Variants in MAIP1 observed in about 807,000 individuals in gnomAD.
MAIP1 encodes matrix AAA peptidase interacting protein 1, also known as m-AAA protease-interacting protein 1, mitochondrial.
Under a neutral mutation model 31.2 loss-of-function variants are expected in MAIP1, and 28 were observed. The observed-to-expected ratio is 0.90, with a 90% CI of 0.67 to 1.23. The LOEUF (loss-of-function observed/expected upper bound fraction) is 1.23. Ranked by LOEUF, MAIP1 falls within the 50% of genes most tolerant of loss-of-function variation. MAIP1 has a pLI of 0.00. For synonymous variants in MAIP1, 142 were observed against 142.3 expected (o/e 1.00, Z 0.02); for missense variants, 339 against 356.0 (o/e 0.95, Z 0.38).
At chr2:199,956,283 T>G in intron 1 of MAIP1, 35 bp downstream of exon 1, 1 of 1,510,958 alleles carries the variant, frequency 6.6e-7, no homozygotes, top group Non-Finnish European at 9.1e-7. Flanking sequence ...TATCCGTCTC[T>G]AATGAGTTCA....
In MAIP1 at chr2:199,955,980, T is replaced by C. The variant is rs2077599697; in HGVS notation, c.182T>C (p.Leu61Ser). 1 of 1,612,542 alleles carries C rather than the reference T, an allele frequency of 6.2e-7. No individual in the cohort carries two copies. Among genetic ancestry groups the C allele is most frequent in the African/African-American group, 1.3e-5 (1 of 74,924 alleles). The change falls in exon 1 of 5, where the codon TTG becomes TCG. Residue 61 changes from leucine (L) to serine (S), a missense_variant. Physicochemically the swap from Leu to Ser is moderately radical, Grantham distance 145. Coordinates refer to ENST00000392290, the MANE Select transcript of MAIP1 (RefSeq NM_001394955.1). Reference protein sequence around the residue: ...AALFPRSARALAASALPAQGS... With the variant: ...AALFPRSARASAASALPAQGS... ...TTATTTCCACGAAGCGCTAGGGCCT[T>C]GGCAGCCTCGGCGCTACCTGCCCAG...
intron 3 of MAIP1, among the ~76,000 whole-genome samples, chr2:199,961,442 T>A (rs1330128255): frequency 6.6e-6 from 1 of 151,896 alleles, no homozygotes; most frequent in Non-Finnish European, 1.5e-5. Flanking sequence ...CCAGCCCGGG[T>A]GACAGAGTGA....
At position 199,961,909 on chromosome 2, in the gene MAIP1, C is replaced by A; in HGVS notation, c.778C>A (p.Leu260Ile). 6.2e-7 allele frequency: 1 copy of A among 1,612,860 alleles called. No homozygotes were observed. Among genetic ancestry groups the A allele is most frequent in the Non-Finnish European group, 8.5e-7 (1 of 1,179,536 alleles). The change falls in exon 4 of 5, where the codon CTT becomes ATT. Residue 260 changes from leucine (L) to isoleucine (I), a missense_variant. By Grantham distance (5) the Leu-to-Ile change is conservative. Transcript: ENST00000392290. ...GAATCAGAATGTGGAAACTAAACAA[C>A]TTCTTAGTGCAAGCTATGAGTAAGT... is the stretch of plus-strand genomic sequence containing the variant. The part of the protein sequence containing the change: ...LGNQNVETKQ[L>I]LSASYEFQRE...
At chr2:199,960,186 A>G (rs1323189843) in intron 3 of MAIP1, among the ~76,000 whole-genome samples, 3 of 152,216 alleles carry the variant, frequency 2.0e-5, no homozygotes, top group African/African-American at 7.2e-5. Context: ...TTTATGTTTC[A>G]GATTTCCTAA....
rs1429619923 is a variant in MAIP1, at chr2:199,955,695, T to G, written c.-104T>G. 1.6e-6 allele frequency: 2 copies of G among 1,216,366 alleles called. No individual in the cohort carries two copies. Among genetic ancestry groups the G allele is most frequent in the Non-Finnish European group, 2.3e-6 (2 of 882,970 alleles). The allele number at this position is 1,216,366 out of a possible 1,614,324, so 75.3% of individuals were successfully genotyped here. On this transcript the variant is annotated 5_prime_UTR_variant, in exon 1 of 5. Transcript: ENST00000392290. The stretch of plus-strand genomic sequence containing the variant: ...ACTCACCAGAGGCTGCAGCAACAGG[T>G]CCACTTTGCTCTCCAGTCTCTTTCT...
chr2:199,955,597 T>G lies in MAIP1; in HGVS notation c.-202T>G, dbSNP rs1301017422. The G allele has an allele frequency of 7.5e-7, 1 of 1,325,340 alleles. No individual in the cohort carries two copies. Among genetic ancestry groups the G allele is most frequent in the Admixed American group, 2.4e-5 (1 of 41,004 alleles). The allele number at this position is 1,325,340 out of a possible 1,614,324, so 82.1% of individuals were successfully genotyped here. A position where few individuals can be genotyped will look rare whatever the true frequency, so the allele number is the denominator to read the frequency against. On this transcript the variant is annotated 5_prime_UTR_variant, in exon 1 of 5. Coordinates refer to ENST00000392290, the MANE Select transcript of MAIP1 (RefSeq NM_001394955.1). Reference sequence around the variant, plus strand: ...CGAGGCCGGCAGACTCCAGAGTGGCTGGGTCCGAGCGCGGGGCGGGTTGCC... The same window carrying G: ...CGAGGCCGGCAGACTCCAGAGTGGCGGGGTCCGAGCGCGGGGCGGGTTGCC...
At position 199,956,011 on chromosome 2, in the gene MAIP1, C is replaced by G. The variant is rs369909046; in HGVS notation, c.213C>G (p.Ser71=). ...LAASALPAQG[S]RWPVLSSPGL... ...CCTCGGCGCTACCTGCCCAGGGCTC[C>G]CGGTGGCCAGTGCTCAGCAGCCCGG... The change falls in exon 1 of 5, where the codon TCC becomes TCG. Residue 71 remains serine, a synonymous_variant. Coordinates refer to ENST00000392290, the MANE Select transcript of MAIP1 (RefSeq NM_001394955.1). 1 of 1,610,476 alleles carries G rather than the reference C, an allele frequency of 6.2e-7. No individual in the cohort carries two copies. The highest frequency in any genetic ancestry group is 1.3e-5 in the African/African-American group (1 of 74,984).
rs1403015180 is a variant in MAIP1, at chr2:199,959,809, C to T, written c.578C>T (p.Ala193Val). 6.2e-7 allele frequency: 1 copy of T among 1,611,370 alleles called. No individual in the cohort carries two copies. Among genetic ancestry groups the T allele is most frequent in the Admixed American group, 1.7e-5 (1 of 59,982 alleles). ...VTSLPDNHKN[A>V]LAANIDEIVF... is the part of the protein sequence containing the mutation. ...TCACTACCTGACAACCATAAAAATG[C>T]CCTTGCTGCTAACATAGATGAAATT... The change falls in exon 3 of 5, where the codon GCC (alanine) becomes GTC (valine). Residue 193 changes from alanine to valine, a missense_variant. Transcript: ENST00000392290.
intron 4 of MAIP1, among the ~76,000 whole-genome samples, chr2:199,962,602 A>C (rs889189252): frequency 6.6e-6 from 1 of 152,096 alleles, no homozygotes; most frequent in African/African-American, 2.4e-5. Flanking sequence ...TGGGGCAAAA[A>C]CCAGCAAGGC....
Position 199,955,672 on chromosome 2 carries a change from T to C in MAIP1, c.-127T>C, listed in dbSNP as rs928328599. ...GCTGGAGAGCGGGGACGGGGCCGAC[T>C]CACCAGAGGCTGCAGCAACAGGTCC... is the stretch of plus-strand genomic sequence containing the variant. On this transcript the variant is annotated 5_prime_UTR_variant, in exon 1 of 5. Transcript: ENST00000392290. The C allele has an allele frequency of 4.4e-6, 5 of 1,141,348 alleles. No individual in the cohort carries two copies. Among genetic ancestry groups the C allele is most frequent in the Non-Finnish European group, 6.1e-6 (5 of 823,022 alleles). The allele number at this position is 1,141,348 out of a possible 1,614,324, so 70.7% of individuals were successfully genotyped here.
upstream of MAIP1, chr2:199,955,495 A>C: frequency 6.2e-7 from 1 of 1,611,232 alleles, no homozygotes; most frequent in Admixed American, 1.7e-5. Flanking sequence ...GCCCTCTTCC[A>C]GGTCTTCGGA....
At chr2:199,960,655 A>T (rs1167570698) in intron 3 of MAIP1, among the ~76,000 whole-genome samples, 1 of 152,258 alleles carries the variant, frequency 6.6e-6, no homozygotes, top group African/African-American at 2.4e-5. Flanking sequence ...GATGATTTAA[A>T]GTATACTGGA....
chr2:199,960,116 C>T (rs2077628426), intron 3 of MAIP1, among the ~76,000 whole-genome samples: 1 of 152,326 alleles, frequency 6.6e-6, no homozygotes, highest in African/African-American at 2.4e-5. Flanking sequence ...CAGTAGAGAA[C>T]ATCATCACTT....
chr2:199,960,030 T>C, intron 3 of MAIP1, 150 bp downstream of exon 3: 1 of 710,486 alleles, frequency 1.4e-6, no homozygotes, highest in South Asian at 2.4e-5. Context: ...AAGACCTACT[T>C]CTGAAAGAGT....
chr2:199,957,769 C>T (rs148145574), intron 1 of MAIP1, among the ~76,000 whole-genome samples: 15 of 152,328 alleles, frequency 9.8e-5, no homozygotes, highest in African/African-American at 2.6e-4. Context: ...CTTGTCAGTT[C>T]TCAAAGTCTT....
chr2:199,957,515 G>A (rs943608594), intron 1 of MAIP1, among the ~76,000 whole-genome samples: 2 of 152,080 alleles, frequency 1.3e-5, no homozygotes, highest in African/African-American at 4.8e-5. Flanking sequence ...GTTGTATACT[G>A]GTATTGATAT....
rs1164684469 is a variant in MAIP1 at position 199,959,318 on chromosome 2, G to A, written c.501G>A (p.Leu167=). ...KLLSQCKFDL[L]EELVAKEVLH... is the part of the protein sequence containing the mutation. The stretch of plus-strand genomic sequence containing the variant: ...TGTCACAGTGTAAATTTGATCTGTT[G>A]GAAGAACTTGTGGCCAAAGAGGTAA... The change falls in exon 2 of 5, where the codon TTG becomes TTA. Residue 167 remains leucine, a synonymous_variant. Transcript: ENST00000392290. 2.5e-6 allele frequency: 4 copies of A among 1,592,374 alleles called. No individual in the cohort carries two copies. The Admixed American group carries it at 5.0e-5, about 20-fold the overall frequency.
At position 199,956,235 on chromosome 2, in the gene MAIP1, A is replaced by G. The variant is rs2077603129; in HGVS notation, c.437A>G (p.Glu146Gly). The G allele has an allele frequency of 2.5e-6, 4 of 1,611,648 alleles. No homozygotes were observed. Among genetic ancestry groups the G allele is most frequent in the Non-Finnish European group, 3.4e-6 (4 of 1,178,546 alleles). Reference sequence around the variant, plus strand: ...GAGTTCAGCATCACAGAGTTCTCCGAGGGAGCGAAGCAGGTTTGTTTATTT... The same window carrying G: ...GAGTTCAGCATCACAGAGTTCTCCGGGGGAGCGAAGCAGGTTTGTTTATTT... ...DKEFSITEFS[E>G]GAKQAFAHVS... is the part of the protein sequence containing the mutation. Residue 146 changes from glutamate (E) to glycine (G), a missense_variant, in exon 1 of 5, where the codon GAG (glutamate) becomes GGG (glycine). Coordinates refer to ENST00000392290, the MANE Select transcript of MAIP1 (RefSeq NM_001394955.1).
chr2:199,957,316 C>G (rs1459022742), intron 1 of MAIP1, among the ~76,000 whole-genome samples: 1 of 152,048 alleles, frequency 6.6e-6, no homozygotes, highest in Admixed American at 6.6e-5. Flanking sequence ...TGCATGAACC[C>G]GGGAGGTGGA....
Sources: allele counts gnomAD v4.1 joint callset (sites outside exome capture counted in the v4.1 genomes callset), GRCh38; gene constraint gnomAD v4.1.1; transcripts MANE v1.5; gene names NCBI Gene and HGNC (gene_info 2026-07-23, HGNC 2026-07-21).